The following DST variants were observed in gnomAD, a reference collection of about 807,000 sequenced individuals.
The protein encoded by DST is bullous pemphigoid antigen.
Under a neutral mutation model 875.2 loss-of-function variants are expected in DST, and 253 were observed. The ratio of observed to expected loss-of-function variants is 0.29; its 90% CI spans 0.26 to 0.32. DST has a LOEUF of 0.32. Ranked by LOEUF, DST falls within the 10% of genes least tolerant of loss-of-function variation. The pLI is 1.00. For missense variants in DST, 8,287 were observed against 9,111.6 expected (o/e 0.91, Z 3.68); for synonymous variants, 3,124 against 3,197.1 (o/e 0.98, Z 0.77).
chr6:56,530,127 A>C lies in DST; in HGVS notation c.17115T>G (p.Arg5705=). The C allele has an allele frequency of 6.3e-7, 1 of 1,586,838 alleles. No individual in the cohort carries two copies. The highest frequency in any genetic ancestry group is 8.6e-7 in the Non-Finnish European group (1 of 1,168,928). The part of the protein sequence containing the change: ...ALLNKAETRN[R]QLEGISVVAQ... ...CTACCACCGAGATACCTTCCAACTGACGATTCCTACAAATGTGCCAAAAGG... is the reference window on the plus strand; with the variant it reads ...CTACCACCGAGATACCTTCCAACTGCCGATTCCTACAAATGTGCCAAAAGG... Residue 5705 remains arginine, a synonymous_variant, in exon 65 of 104, where the codon CGT becomes CGG. Coordinates refer to ENST00000680361, the MANE Select transcript of DST (RefSeq NM_001374736.1).
intron 4 of DST, among the ~76,000 whole-genome samples, chr6:56,769,576 T>C (rs1006261878): frequency 5.3e-5 from 8 of 152,098 alleles, no homozygotes; most frequent in Admixed American, 3.3e-4. Context: ...TCCTCACACT[T>C]TGAGAGGCCA....
At chr6:56,610,117 CTATAA>C (rs2098532812) in intron 39 of DST, among the ~76,000 whole-genome samples, 2 of 151,990 alleles carry the variant, frequency 1.3e-5, no homozygotes, top group Admixed American at 6.6e-5. Context: ...CTTTTATAGC[CTATAA>C]TATAATAAAA....
intron 55 of DST, among the ~76,000 whole-genome samples, chr6:56,565,809 C>A (rs1470707040): frequency 6.6e-6 from 1 of 152,186 alleles, no homozygotes; most frequent in Non-Finnish European, 1.5e-5. Flanking sequence ...GCCACCCCTT[C>A]CCCCAGGTGC....
rs766389596 is a variant in DST at position 56,485,369 on chromosome 6, T to G, written c.21150A>C (p.Glu7050Asp). 1 of 1,613,948 alleles carries G rather than the reference T, an allele frequency of 6.2e-7. No homozygotes were observed. Among genetic ancestry groups the G allele is most frequent in the South Asian group, 1.1e-5 (1 of 91,070 alleles). ...CAATGTCTCCATGAACAGGCTGGTCTTCTGCCAGCTGGGGTTCAACTCTAT... is the reference window on the plus strand; with the variant it reads ...CAATGTCTCCATGAACAGGCTGGTCGTCTGCCAGCTGGGGTTCAACTCTAT... ...WLYRVEPQLA[E>D]DQPVHGDIDL... Residue 7050 changes from glutamate (E) to aspartate (D), a missense_variant, in exon 88 of 104, where the codon GAA (glutamate) becomes GAC (aspartate). Physicochemically the swap from Glu to Asp is conservative, Grantham distance 45 (BLOSUM62 2). Coordinates refer to ENST00000680361, the MANE Select transcript of DST (RefSeq NM_001374736.1).
intron 4 of DST, among the ~76,000 whole-genome samples, chr6:56,834,192 A>G (rs950417006): frequency 1.4e-4 from 21 of 152,150 alleles, no homozygotes; most frequent in African/African-American, 5.1e-4. Context: ...TTATCACTGC[A>G]TCCAGTCTGG....
intron 61 of DST, among the ~76,000 whole-genome samples, chr6:56,548,643 A>G (rs2097268292): frequency 6.6e-6 from 1 of 152,200 alleles, no homozygotes; most frequent in Non-Finnish European, 1.5e-5. Context: ...CTTCCTGCCT[A>G]GAGACAAACA....
chr6:56,560,030 C>A lies in DST; in HGVS notation c.14440+264G>T, dbSNP rs1584924727. Among the ~76,000 whole-genome samples the A allele has an allele frequency of 2.6e-5, 4 of 152,154 alleles. No homozygotes were observed. In the East Asian group the frequency reaches 7.7e-4, roughly 29 times the overall value. The stretch of plus-strand genomic sequence containing the variant: ...AGAAACATTAATGAAAACAGGTACT[C>A]CATGCACAGCACTTCATTAACTAGT... On this transcript the variant is annotated intron_variant, in intron 58 of 103. Transcript: ENST00000680361.
Position 56,605,985 on chromosome 6 carries a change from T to C in DST, c.8643A>G (p.Ala2881=). 2 of 1,612,886 alleles carry C rather than the reference T, an allele frequency of 1.2e-6. No homozygotes were observed. Among genetic ancestry groups the C allele is most frequent in the Non-Finnish European group, 1.7e-6 (2 of 1,179,316 alleles). The change falls in exon 40 of 104, where the codon GCA becomes GCG. Residue 2881 remains alanine, a synonymous_variant. Transcript: ENST00000680361. The stretch of plus-strand genomic sequence containing the variant: ...TAACTAAGTTATTTTCACTAGGTGA[T>C]GCTAGCTGTACAACATTTACCCTTT... The part of the protein sequence containing the change: ...KQQRVNVVQL[A]SPSENNLVTE...
intron 4 of DST, among the ~76,000 whole-genome samples, chr6:56,748,020 T>C (rs1173545439): frequency 1.3e-5 from 2 of 152,210 alleles, no homozygotes; most frequent in African/African-American, 4.8e-5. Flanking sequence ...ATACAGTTTT[T>C]CAAGTTTCTT....
intron 3 of DST, among the ~76,000 whole-genome samples, chr6:56,856,795 A>G (rs1433307599): frequency 6.6e-6 from 1 of 152,184 alleles, no homozygotes; most frequent in African/African-American, 2.4e-5. Flanking sequence ...AAGGTGCAAT[A>G]ATAGTATTGT....
rs187185871 is a variant in DST, at chr6:56,585,590, T to G, written c.12903+6592A>C. Among the ~76,000 whole-genome samples, 373 of 152,266 alleles carry G rather than the reference T, an allele frequency of 2.4e-3. 1 individual carries two copies. Among genetic ancestry groups the G allele is most frequent in the African/African-American group, 8.0e-3 (333 of 41,540 alleles). On this transcript the variant is annotated intron_variant, in intron 49 of 103. Coordinates refer to ENST00000680361, the MANE Select transcript of DST (RefSeq NM_001374736.1). ...TTTGAAGGGTTCTTTGTGTCTCTAT[T>G]TCCTTCAGTTCTGCTCTGACTTTCG...
At chr6:56,872,732 G>A (rs1371335021) in intron 3 of DST, among the ~76,000 whole-genome samples, 1 of 151,614 alleles carries the variant, frequency 6.6e-6, no homozygotes, top group Non-Finnish European at 1.5e-5. Context: ...TTTGAGTGGG[G>A]GTGTATAGGT....
At chr6:56,536,723 C>T in intron 62 of DST, 56 bp downstream of exon 62, 1 of 1,441,948 alleles carries the variant, frequency 6.9e-7, no homozygotes. Flanking sequence ...ATGGTCACCA[C>T]AAATGCTCAT....
chr6:56,782,455 A>G (rs1456359759), intron 4 of DST, among the ~76,000 whole-genome samples: 3 of 148,146 alleles, frequency 2.0e-5, no homozygotes, highest in African/African-American at 7.3e-5. Flanking sequence ...GTCTTGGGAG[A>G]GTGCATGTGT....
chr6:56,606,162 C>T lies in DST; in HGVS notation c.8466G>A (p.Glu2822=). ...IDEEGGGIRD[E]NGKPRCQNVA... ...CATTTTGGCACCTGGGCTTTCCATT[C>T]TCATCTCTTATACCTCCTCCTTCTT... Residue 2822 remains glutamate, a synonymous_variant, in exon 40 of 104, where the codon GAG becomes GAA. Transcript: ENST00000680361. The T allele has an allele frequency of 6.2e-7, 1 of 1,604,658 alleles. No individual in the cohort carries two copies. The highest frequency in any genetic ancestry group is 8.5e-7 in the Non-Finnish European group (1 of 1,174,254).
Position 56,603,541 on chromosome 6 carries a change from AAGAGGC to A in DST, c.10941+17_10941+22del. 6.3e-7 allele frequency: 1 copy of A among 1,598,034 alleles called. No individual in the cohort carries two copies. On this transcript the variant is annotated intron_variant, in intron 41 of 103. Coordinates refer to ENST00000680361, the MANE Select transcript of DST (RefSeq NM_001374736.1). ...ATACATCAGCTGACTACCATCCATA[AAGAGGC>A]AGTAGACAATTCTTACCTCCAACTG...
chr6:56,646,384 T>C lies in DST; in HGVS notation c.1555-202A>G, dbSNP rs114022984. 0.032 allele frequency among the ~76,000 whole-genome samples: 4,910 copies of C among 152,314 alleles called. 94 individuals are homozygous for C. Among genetic ancestry groups the C allele is most frequent in the Non-Finnish European group, 0.042 (2,829 of 68,032 alleles). On this transcript the variant is annotated intron_variant, in intron 13 of 103. Coordinates refer to ENST00000680361, the MANE Select transcript of DST (RefSeq NM_001374736.1). ...CTAAAATTTGATGAGGGTGTAATTA[T>C]TGATGTGAGCCATGATTTAGTGCCA...
rs1426372306 is a variant in DST at position 56,481,236 on chromosome 6, A to T, written c.21531+814T>A. ...TGTATTTCCAGCCTGACTTCAAAAG[A>T]CAAAATTATTTACTGGTGTTTAAAA... On this transcript the variant is annotated intron_variant, in intron 90 of 103. Coordinates refer to ENST00000680361, the MANE Select transcript of DST (RefSeq NM_001374736.1). Among the ~76,000 whole-genome samples the T allele has an allele frequency of 2.0e-5, 3 of 152,214 alleles. No individual in the cohort carries two copies. The East Asian group carries it at 5.8e-4, about 29-fold the overall frequency.
At chr6:56,641,700 T>G (rs2098905623) in intron 17 of DST, among the ~76,000 whole-genome samples, 1 of 152,232 alleles carries the variant, frequency 6.6e-6, no homozygotes, top group South Asian at 2.1e-4. Flanking sequence ...TCTAGGGTAT[T>G]CATTTTAACG....
Sources: gnomAD v4.1 joint callset for allele counts (sites outside exome capture counted in the v4.1 genomes callset) on GRCh38, gnomAD v4.1.1 for gene constraint, MANE v1.5 for transcripts, NCBI Gene and HGNC (gene_info 2026-07-23, HGNC 2026-07-21) for gene names.